Variants in CFAP92 observed in about 807,000 individuals in gnomAD.
The protein encoded by CFAP92 is uncharacterized protein CFAP92.
A neutral mutation model predicts 106.3 loss-of-function variants in CFAP92; 86 were observed. That is an observed-to-expected ratio of 0.81 (90% CI 0.68 to 0.97). CFAP92 has a LOEUF of 0.97. Ranked by LOEUF, CFAP92 falls within the 50% of genes least tolerant of loss-of-function variation. The pLI is 0.00. For missense variants in CFAP92, 1,204 were observed against 1,283.8 expected, an observed-to-expected ratio of 0.94 and a Z score of 0.95; for synonymous variants, 477 against 506.4, an observed-to-expected ratio of 0.94 and a Z score of 0.78.
At chr3:128,953,339 C>T (rs997328368) in intron 9 of CFAP92, among the ~76,000 whole-genome samples, 3 of 151,994 alleles carry the variant, frequency 2.0e-5, no homozygotes, top group Non-Finnish European at 2.9e-5. Flanking sequence ...CACGGTGAAA[C>T]CCAGTCTCTA....
intron 5 of CFAP92, among the ~76,000 whole-genome samples, chr3:128,977,471 T>C (rs1170288930): frequency 6.6e-6 from 1 of 152,226 alleles, no homozygotes; most frequent in Non-Finnish European, 1.5e-5. Flanking sequence ...TTACATAGAT[T>C]GCTCCTCGTG....
Position 128,965,645 on chromosome 3 carries a change from CT to C in CFAP92, c.1218del (p.Asp407IlefsTer4), listed in dbSNP as rs1942308483. On this transcript the variant is annotated frameshift_variant, in exon 9 of 16. Transcript: ENST00000645291. LOFTEE classifies it high-confidence loss of function. ...TCTGTTTTTAAAGTCAAAAGGCAAT[CT>C]AAAATGTTGGCAGACTTCTCACTGC... ...SRGSEKSANI[L>X]DCLLTLKTEV... 2.5e-6 allele frequency: 1 copy of C among 398,742 alleles called. No homozygotes were observed. Among genetic ancestry groups the C allele is most frequent in the South Asian group, 1.3e-4 (1 of 7,840 alleles). 24.7% of individuals were successfully genotyped at this position (398,742 alleles called of 1,614,324 possible). A position where few individuals can be genotyped will look rare whatever the true frequency, so the allele number is the denominator to read the frequency against.
the CFAP92 span, among the ~76,000 whole-genome samples, chr3:129,022,421 A>G: frequency 7.5e-4 from 114 of 152,352 alleles, 1 homozygote; most frequent in African/African-American, 2.6e-3. Context: ...GGGGTCTGTT[A>G]CATGAAGATC....
At chr3:128,924,920 A>G (rs538533242) in intron 12 of CFAP92, among the ~76,000 whole-genome samples, 159 of 151,946 alleles carry the variant, frequency 1.0e-3, no homozygotes, top group Admixed American at 2.7e-3. Flanking sequence ...TCACCAATAA[A>G]TAGTGCAGGC....
chr3:128,932,310 T>C (rs966455344), intron 12 of CFAP92, among the ~76,000 whole-genome samples: 4 of 152,120 alleles, frequency 2.6e-5, no homozygotes, highest in African/African-American at 9.7e-5. Context: ...GTCATGCAGA[T>C]TAGTTTATGT....
At chr3:128,993,414 A>G in intron 1 of CFAP92, 78 bp from the exon 2 acceptor site, 3 of 1,430,966 alleles carry the variant, frequency 2.1e-6, no homozygotes, top group South Asian at 1.3e-5. Flanking sequence ...CTCCTGCAGA[A>G]GCACCCACCC....
chr3:128,945,894 G>T lies in CFAP92; in HGVS notation c.1435C>A (p.His479Asn). The change falls in exon 10 of 16, where the codon CAC becomes AAC. Residue 479 changes from histidine (H) to asparagine (N), a missense_variant. Coordinates refer to ENST00000645291, the MANE Select transcript of CFAP92 (RefSeq NM_001394090.1). ...HKTKGEPHGT[H>N]VYFQDINVIF... ...ACGTTGATGTCCTGGAAATAAACGT[G>T]GGTTCCATGGGGCTCCCCCTTGGTC... 6.8e-7 allele frequency: 1 copy of T among 1,464,330 alleles called. No homozygotes were observed. The highest frequency in any genetic ancestry group is 1.4e-5 in the South Asian group (1 of 70,068). 90.7% of individuals were successfully genotyped at this position (1,464,330 alleles called of 1,614,324 possible). A position where few individuals can be genotyped will look rare whatever the true frequency, so the allele number is the denominator to read the frequency against.
chr3:128,912,671 T>TA (rs769954671), intron 15 of CFAP92: 1 of 1,371,948 alleles, frequency 7.3e-7, no homozygotes, highest in Non-Finnish European at 1.0e-6. Context: ...GGATGACTGT[T>TA]ACTCTTTTTT....
intron 15 of CFAP92, chr3:128,912,586 C>G: frequency 6.2e-7 from 1 of 1,614,182 alleles, no homozygotes. Flanking sequence ...TCTGTGCCCA[C>G]CCTCTGGACA....
intron 1 of CFAP92, 48 bp downstream of exon 1, chr3:128,993,932 C>A: frequency 1.0e-6 from 1 of 986,564 alleles, no homozygotes; most frequent in Non-Finnish European, 1.2e-6. Flanking sequence ...GCTGCGGCGG[C>A]CGAGGTGGGG....
chr3:129,002,014 C>T, intron 1 of CFAP92: 1 of 1,545,688 alleles, frequency 6.5e-7, no homozygotes, highest in Non-Finnish European at 8.7e-7. Flanking sequence ...GATGAAGAGG[C>T]GCGCCTGGCG....
In CFAP92 at chr3:128,993,336, C is replaced by A; in HGVS notation, c.-32G>T. ...GAGCGCACTGCTGGCCGCCGGCGCT[C>A]CTGGCAGGGAGAAAGTGAAGGCTGT... On this transcript the variant is annotated splice_region_variant and 5_prime_UTR_variant, in exon 2 of 16. Transcript: ENST00000645291. 6.3e-7 allele frequency: 1 copy of A among 1,587,992 alleles called. No individual in the cohort carries two copies. The highest frequency in any genetic ancestry group is 2.3e-5 in the East Asian group (1 of 43,626).
intron 12 of CFAP92, among the ~76,000 whole-genome samples, chr3:128,923,999 A>C (rs1427409694): frequency 6.6e-6 from 1 of 152,206 alleles, no homozygotes; most frequent in Non-Finnish European, 1.5e-5. Context: ...TGTTCTAATA[A>C]TTATGTGTTT....
Position 128,975,764 on chromosome 3 carries a change from C to G in CFAP92, c.1021+15G>C. 6.4e-7 allele frequency: 1 copy of G among 1,561,798 alleles called. No homozygotes were observed. Among genetic ancestry groups the G allele is most frequent in the Non-Finnish European group, 8.7e-7 (1 of 1,153,976 alleles). On this transcript the variant is annotated intron_variant, in intron 7 of 15. Coordinates refer to ENST00000645291, the MANE Select transcript of CFAP92 (RefSeq NM_001394090.1). ...TAGTTATATTATAAAATTCCCAAAT[C>G]CTATCCTAACTTACTTTGAGACCTT...
At position 128,975,840 on chromosome 3, in the gene CFAP92, T is replaced by C; in HGVS notation, c.960A>G (p.Glu320=). The C allele has an allele frequency of 6.2e-7, 1 of 1,610,162 alleles. No homozygotes were observed. The highest frequency in any genetic ancestry group is 8.5e-7 in the Non-Finnish European group (1 of 1,177,872). The change falls in exon 7 of 16, where the codon GAA becomes GAG. Residue 320 remains glutamate (E), a synonymous_variant. Coordinates refer to ENST00000645291, the MANE Select transcript of CFAP92 (RefSeq NM_001394090.1). ...TGCTAAGTGATTCACTCTCAATTAA[T>C]TCCTTGATCTCCATCATGCTTGCTC... ...LAGASMMEIK[E]LIESESLSSL...
At chr3:129,008,100 C>T in the CFAP92 span, among the ~76,000 whole-genome samples, 141 of 152,348 alleles carry the variant, frequency 9.3e-4, no homozygotes, top group South Asian at 5.2e-3. Flanking sequence ...TCTGCCTCCA[C>T]CAGGCCCTGA....
At chr3:128,973,659 GAAA>G (rs34115052) in intron 7 of CFAP92, among the ~76,000 whole-genome samples, 3 of 126,736 alleles carry the variant, frequency 2.4e-5, no homozygotes, top group Non-Finnish European at 5.2e-5. Context: ...TCTGTCTCAA[GAAA>G]AAAAAAAAAA....
At chr3:129,004,950 T>C (rs1046564621), upstream of CFAP92, among the ~76,000 whole-genome samples, 1 of 152,146 alleles carries the variant, frequency 6.6e-6, no homozygotes, top group African/African-American at 2.4e-5. Flanking sequence ...GGAACACAGA[T>C]TGGGGTCCCT....
the CFAP92 span, among the ~76,000 whole-genome samples, chr3:129,010,258 A>C: frequency 6.6e-6 from 1 of 152,222 alleles, no homozygotes; most frequent in Non-Finnish European, 1.5e-5. This position sits in a 1 kb window ranked among gnomAD's most constrained non-coding sequence, Gnocchi z 4.3. Context: ...CCCATATCTC[A>C]ACCAGTTGCC....
Sources: allele counts gnomAD v4.1 joint callset (sites outside exome capture counted in the v4.1 genomes callset), GRCh38; gene constraint gnomAD v4.1.1; non-coding constraint Gnocchi (gnomAD v3.1); transcripts MANE v1.5; gene names NCBI Gene and HGNC (gene_info 2026-07-23, HGNC 2026-07-21).